EME2: variants seen among roughly 807,000 people sequenced by gnomAD.
EME2 encodes essential meiotic structure-specific endonuclease subunit 2.
Under a neutral mutation model 41.9 loss-of-function variants are expected in EME2, and 58 were observed. The observed-to-expected ratio is 1.38, with a 90% CI of 1.12 to 1.72. EME2 has a LOEUF of 1.72. Ranked by LOEUF, EME2 falls within the 40% of genes most tolerant of loss-of-function variation. The pLI is 0.00. For synonymous variants in EME2, 334 were observed against 239.3 expected, an observed-to-expected ratio of 1.40 and a Z score of -3.65; for missense variants, 695 against 541.9, an observed-to-expected ratio of 1.28 and a Z score of -2.81.
In EME2 at chr16:1,781,511, G is replaced by T; in HGVS notation, c.*5273G>T. On this transcript the variant is annotated 3_prime_UTR_variant, in exon 8 of 8. Transcript: ENST00000568449. ...TGGAAAGAATCTAGAAGAAAACACA[G>T]GCTCTGGGCAAAGGAAGACTCACAG... The T allele has an allele frequency of 6.2e-7, 1 of 1,608,070 alleles. No homozygotes were observed. Among genetic ancestry groups the T allele is most frequent in the Non-Finnish European group, 8.5e-7 (1 of 1,177,532 alleles).
In EME2 at chr16:1,776,232, C is replaced by G. The variant is rs752380711; in HGVS notation, c.1134C>G (p.Gly378=). The G allele has an allele frequency of 6.2e-7, 1 of 1,612,256 alleles. No individual in the cohort carries two copies. The highest frequency in any genetic ancestry group is 1.7e-5 in the Admixed American group (1 of 59,976). ...ACCCTGATCTCCTGCTGGACCTGGG[C>G]TCCTGACCACACGTGGGACCACCAG... ...TANPDLLLDL[G]S The change falls in exon 8 of 8, where the codon GGC becomes GGG. Residue 378 remains glycine, a synonymous_variant. Transcript: ENST00000568449.
In EME2 at chr16:1,775,537, G is replaced by A. The variant is rs555826797; in HGVS notation, c.664-32G>A. 7.5e-6 allele frequency: 12 copies of A among 1,609,208 alleles called. No individual in the cohort carries two copies. The South Asian group carries it at 1.3e-4, about 18-fold the overall frequency. ...TGTGTGTCCCGGGTAGCCTTCCTCTGGCTCGTGCCCATCAGCTTGCCTCCT... is the reference window on the plus strand; with the variant it reads ...TGTGTGTCCCGGGTAGCCTTCCTCTAGCTCGTGCCCATCAGCTTGCCTCCT... On this transcript the variant is annotated intron_variant, in intron 5 of 7. Coordinates refer to ENST00000568449, the MANE Select transcript of EME2 (RefSeq NM_001257370.2).
chr16:1,778,934 C>T lies in EME2; in HGVS notation c.*2696C>T. 3.8e-6 allele frequency: 1 copy of T among 263,482 alleles called. No homozygotes were observed. Among genetic ancestry groups the T allele is most frequent in the Non-Finnish European group, 7.2e-6 (1 of 139,678 alleles). The allele number at this position is 263,482 out of a possible 1,614,324, so 16.3% of individuals were successfully genotyped here. A position where few individuals can be genotyped will look rare whatever the true frequency, so the allele number is the denominator to read the frequency against. ...CTGCCCAGAGCTGAGATGGTGTGGA[C>T]ACCTTCCCTGCTAGGCCAGCCCTGC... On this transcript the variant is annotated 3_prime_UTR_variant, in exon 8 of 8. Coordinates refer to ENST00000568449, the MANE Select transcript of EME2 (RefSeq NM_001257370.2).
At position 1,773,253 on chromosome 16, in the gene EME2, C is replaced by CG; in HGVS notation, c.31dup (p.Val11GlyfsTer29). ...ATGGCGCGGGTTGGACCCGGGAGGG[C>CG]GGGGGTCTCTTGCCAGGGCCGGGGC... is the stretch of plus-strand genomic sequence containing the variant. On this transcript the variant is annotated frameshift_variant, in exon 1 of 8. Coordinates refer to ENST00000568449, the MANE Select transcript of EME2 (RefSeq NM_001257370.2). LOFTEE classifies it high-confidence loss of function. The CG allele has an allele frequency of 6.9e-6, 10 of 1,450,594 alleles. No homozygotes were observed. The highest frequency in any genetic ancestry group is 1.4e-5 in the South Asian group (1 of 70,066). The allele number at this position is 1,450,594 out of a possible 1,614,324, so 89.9% of individuals were successfully genotyped here. A position where few individuals can be genotyped will look rare whatever the true frequency, so the allele number is the denominator to read the frequency against.
chr16:1,776,720 A>AC lies in EME2; in HGVS notation c.*482_*483insC. ...TTTCAGCTCACGCCATGTGGGTGTT[A>AC]GACATCAACTCTACATTTATTGCAG... On this transcript the variant is annotated 3_prime_UTR_variant, in exon 8 of 8. Coordinates refer to ENST00000568449, the MANE Select transcript of EME2 (RefSeq NM_001257370.2). 3.1e-6 allele frequency: 1 copy of AC among 323,176 alleles called. No individual in the cohort carries two copies. 20.0% of individuals were successfully genotyped at this position (323,176 alleles called of 1,614,324 possible). A position where few individuals can be genotyped will look rare whatever the true frequency, so the allele number is the denominator to read the frequency against.
In EME2 at chr16:1,775,936, G is replaced by T; in HGVS notation, c.919G>T (p.Val307Leu). The T allele has an allele frequency of 6.2e-7, 1 of 1,611,778 alleles. No individual in the cohort carries two copies. The highest frequency in any genetic ancestry group is 8.5e-7 in the Non-Finnish European group (1 of 1,179,730). ...IRQFSRVSPA[V>L]ADAVVTAFPS... ...GCAGTTCAGTCGGGTCAGCCCAGCCGTGGCTGATGCAGTTGTCACAGCCTT... is the reference window on the plus strand; with the variant it reads ...GCAGTTCAGTCGGGTCAGCCCAGCCTTGGCTGATGCAGTTGTCACAGCCTT... Residue 307 changes from valine (V) to leucine (L), a missense_variant, in exon 7 of 8, where the codon GTG becomes TTG. Physicochemically the swap from Val to Leu is conservative, Grantham distance 32. Transcript: ENST00000568449.
chr16:1,773,157 C>G lies in EME2; in HGVS notation c.-71C>G. 3 of 1,402,440 alleles carry G rather than the reference C, an allele frequency of 2.1e-6. No homozygotes were observed. Among genetic ancestry groups the G allele is most frequent in the Non-Finnish European group, 2.8e-6 (3 of 1,084,952 alleles). The allele number at this position is 1,402,440 out of a possible 1,614,324, so 86.9% of individuals were successfully genotyped here. ...TCCTCAGCGGTCCGGCCGGAAGTCACCGGAAGAGGCCGGTGTCCCAGGCTA... is the reference window on the plus strand; with the variant it reads ...TCCTCAGCGGTCCGGCCGGAAGTCAGCGGAAGAGGCCGGTGTCCCAGGCTA... On this transcript the variant is annotated 5_prime_UTR_variant, in exon 1 of 8. Transcript: ENST00000568449.
chr16:1,775,771 T>C (rs752436513), intron 6 of EME2, 26 bp from the exon 7 acceptor site: 75 of 1,612,120 alleles, frequency 4.7e-5, no homozygotes, highest in Non-Finnish European at 6.3e-5. Flanking sequence ...CACATGAGGT[T>C]CTAAAAGGCT....
At position 1,781,398 on chromosome 16, in the gene EME2, A is replaced by G. The variant is rs777285024; in HGVS notation, c.*5160A>G. On this transcript the variant is annotated 3_prime_UTR_variant, in exon 8 of 8. Coordinates refer to ENST00000568449, the MANE Select transcript of EME2 (RefSeq NM_001257370.2). ...GTAGCCCCAGTTAGTGGAGCCTGCTAGAGCCACGGCCCGGGCATCTGCGTC... is the reference window on the plus strand; with the variant it reads ...GTAGCCCCAGTTAGTGGAGCCTGCTGGAGCCACGGCCCGGGCATCTGCGTC... 1 of 1,612,858 alleles carries G rather than the reference A, an allele frequency of 6.2e-7. No homozygotes were observed.
Position 1,776,214 on chromosome 16 carries a change from T to A in EME2, c.1116T>A (p.Asp372Glu). The part of the protein sequence containing the change: ...ICLFLTTANP[D>E]LLLDLGS ...TCTTCCTGACCACAGCCAACCCTGA[T>A]CTCCTGCTGGACCTGGGCTCCTGAC... The change falls in exon 8 of 8, where the codon GAT becomes GAA. Residue 372 changes from aspartate to glutamate, a missense_variant. Asp to Glu is a conservative substitution (Grantham distance 45). Coordinates refer to ENST00000568449, the MANE Select transcript of EME2 (RefSeq NM_001257370.2). The A allele has an allele frequency of 1.2e-6, 2 of 1,612,510 alleles. No individual in the cohort carries two copies. The highest frequency in any genetic ancestry group is 1.7e-6 in the Non-Finnish European group (2 of 1,179,930).
rs755133398 is a variant in EME2 at position 1,778,218 on chromosome 16, C to T, written c.*1980C>T. On this transcript the variant is annotated 3_prime_UTR_variant, in exon 8 of 8. Transcript: ENST00000568449. ...CCAGCTCCTTGGTGCCCCGGATGGC[C>T]GCTGTGCCGCAGCTGTACTCCATGT... 1.2e-5 allele frequency: 20 copies of T among 1,612,960 alleles called. No individual in the cohort carries two copies. The highest frequency in any genetic ancestry group is 1.7e-4 in the Middle Eastern group (1 of 6,058).
rs1026922453 is a variant in EME2 at position 1,773,271 on chromosome 16, G to C, written c.44G>C (p.Gly15Ala). The change falls in exon 1 of 8, where the codon GGC becomes GCC. Residue 15 changes from glycine (G) to alanine (A), a missense_variant. By Grantham distance (60) the Gly-to-Ala change is moderately conservative. Coordinates refer to ENST00000568449, the MANE Select transcript of EME2 (RefSeq NM_001257370.2). ...GPGRAGVSCQ[G>A]RGRGRGGSGQ... is the part of the protein sequence containing the mutation. ...GGGAGGGCGGGGGTCTCTTGCCAGG[G>C]CCGGGGCCGGGGACGGGGCGGGAGC... 1.4e-6 allele frequency: 2 copies of C among 1,464,874 alleles called. No homozygotes were observed. The highest frequency in any genetic ancestry group is 9.0e-7 in the Non-Finnish European group (1 of 1,117,136). The allele number at this position is 1,464,874 out of a possible 1,614,324, so 90.7% of individuals were successfully genotyped here. A position where few individuals can be genotyped will look rare whatever the true frequency, so the allele number is the denominator to read the frequency against.
rs779482664 is a variant in EME2 at position 1,777,753 on chromosome 16, A to G, written c.*1515A>G. On this transcript the variant is annotated 3_prime_UTR_variant, in exon 8 of 8. Transcript: ENST00000568449. ...AGTCCTGTGACGGCCTCACCTATAC[A>G]CTTCCTGTTCTTGAAAAAGGTGAGT... The G allele has an allele frequency of 7.4e-6, 12 of 1,612,136 alleles. No individual in the cohort carries two copies. The South Asian group carries it at 8.8e-5, about 12-fold the overall frequency.
At position 1,775,658 on chromosome 16, in the gene EME2, C is replaced by T. The variant is rs1567228076; in HGVS notation, c.753C>T (p.Thr251=). The change falls in exon 6 of 8, where the codon ACC becomes ACT. Residue 251 remains threonine (T), a synonymous_variant. Coordinates refer to ENST00000568449, the MANE Select transcript of EME2 (RefSeq NM_001257370.2). ...QELSRHVCAV[T]KALAQYPLKQ... ...TGAGTCGGCACGTGTGCGCCGTTAC[C>T]AAGGCTCTCGCCCAGTATCCCCTCA... 5 of 1,612,804 alleles carry T rather than the reference C, an allele frequency of 3.1e-6. No homozygotes were observed. Among genetic ancestry groups the T allele is most frequent in the Non-Finnish European group, 4.2e-6 (5 of 1,180,038 alleles).
rs1049305904 is a variant in EME2, at chr16:1,777,519, G to A, written c.*1281G>A. The A allele has an allele frequency of 2.2e-5, 31 of 1,410,260 alleles. No individual in the cohort carries two copies. Among genetic ancestry groups the A allele is most frequent in the East Asian group, 5.0e-5 (2 of 40,010 alleles). 87.4% of individuals were successfully genotyped at this position (1,410,260 alleles called of 1,614,324 possible). A position where few individuals can be genotyped will look rare whatever the true frequency, so the allele number is the denominator to read the frequency against. On this transcript the variant is annotated 3_prime_UTR_variant, in exon 8 of 8. Coordinates refer to ENST00000568449, the MANE Select transcript of EME2 (RefSeq NM_001257370.2). ...CTGGGCGCAGCCCCTCAGACCTCACGCTACAGTCACCCGGGTGGGCAGCTG... is the reference window on the plus strand; with the variant it reads ...CTGGGCGCAGCCCCTCAGACCTCACACTACAGTCACCCGGGTGGGCAGCTG...
chr16:1,778,061 G>A lies in EME2; in HGVS notation c.*1823G>A, dbSNP rs145688103. 114 of 1,613,128 alleles carry A rather than the reference G, an allele frequency of 7.1e-5. No individual in the cohort carries two copies. In the African/African-American group the frequency reaches 1.3e-3, roughly 18 times the overall value. ...CGATGCCCACCATCTAGGAACAGGG[G>A]CCAGGCAGAGGGCGCGGGGCTGGGC... On this transcript the variant is annotated 3_prime_UTR_variant, in exon 8 of 8. Transcript: ENST00000568449.
chr16:1,773,027 G>A lies in EME2; in HGVS notation c.-201G>A. ...TCTCGTAGTCCACCGCGTAGAGCTGGGAGTCGCGCGGCCTGTTCAGTTGCT... is the reference window on the plus strand; with the variant it reads ...TCTCGTAGTCCACCGCGTAGAGCTGAGAGTCGCGCGGCCTGTTCAGTTGCT... On this transcript the variant is annotated 5_prime_UTR_variant, in exon 1 of 8. Coordinates refer to ENST00000568449, the MANE Select transcript of EME2 (RefSeq NM_001257370.2). 1 of 1,443,316 alleles carries A rather than the reference G, an allele frequency of 6.9e-7. No individual in the cohort carries two copies. The highest frequency in any genetic ancestry group is 9.1e-7 in the Non-Finnish European group (1 of 1,099,496). 89.4% of individuals were successfully genotyped at this position (1,443,316 alleles called of 1,614,324 possible). A position where few individuals can be genotyped will look rare whatever the true frequency, so the allele number is the denominator to read the frequency against.
rs754774709 is a variant in EME2 at position 1,775,720 on chromosome 16, C to A, written c.779+36C>A. On this transcript the variant is annotated intron_variant, in intron 6 of 7. Coordinates refer to ENST00000568449, the MANE Select transcript of EME2 (RefSeq NM_001257370.2). The stretch of plus-strand genomic sequence containing the variant: ...CCAAGGCTGAAGGGGGGCAGGATCA[C>A]CTCAAGGTAGTGGTGCCTCCCCGGC... 11 of 1,612,734 alleles carry A rather than the reference C, an allele frequency of 6.8e-6. No individual in the cohort carries two copies. In the East Asian group the frequency reaches 1.8e-4, roughly 26 times the overall value.
Position 1,781,052 on chromosome 16 carries a change from T to A in EME2, c.*4814T>A. 6 of 859,758 alleles carry A rather than the reference T, an allele frequency of 7.0e-6. No individual in the cohort carries two copies. Among genetic ancestry groups the A allele is most frequent in the Middle Eastern group, 3.9e-4 (1 of 2,560 alleles). The allele number at this position is 859,758 out of a possible 1,614,324, so 53.3% of individuals were successfully genotyped here. On this transcript the variant is annotated 3_prime_UTR_variant, in exon 8 of 8. Transcript: ENST00000568449. Reference sequence around the variant, plus strand: ...CCAGCCCCGTAGTGGAGAATTTCTGTTGAATGAACCAAAAGCAACTGCCAA... The same window carrying A: ...CCAGCCCCGTAGTGGAGAATTTCTGATGAATGAACCAAAAGCAACTGCCAA...
Sources: gnomAD v4.1 joint callset for allele counts on GRCh38, gnomAD v4.1.1 for gene constraint, MANE v1.5 for transcripts, NCBI Gene and HGNC (gene_info 2026-07-23, HGNC 2026-07-21) for gene names.